Variants in RBFOX1 observed in about 807,000 individuals in gnomAD.
RBFOX1 encodes RNA binding fox-1 homolog 1.
A neutral mutation model predicts 57.7 loss-of-function variants in RBFOX1; 8 were observed. That is an observed-to-expected ratio of 0.14 (90% CI 0.08 to 0.25). RBFOX1 has a LOEUF of 0.25. Among genes scored for constraint, RBFOX1 ranks in the 10% least tolerant of loss-of-function variants. RBFOX1 has a pLI of 1.00. For missense variants in RBFOX1, 611 were observed against 548.5 expected, an observed-to-expected ratio of 1.11 and a Z score of -1.14; for synonymous variants, 326 against 222.4, an observed-to-expected ratio of 1.47 and a Z score of -4.15.
At chr16:7,669,837 A>G (rs1048693250) in intron 13 of RBFOX1, among the ~76,000 whole-genome samples, 14 of 152,174 alleles carry the variant, frequency 9.2e-5, no homozygotes, top group African/African-American at 3.4e-4. Flanking sequence ...TTTCAGTGTG[A>G]GGTGGCTGAG....
intron 2 of RBFOX1, among the ~76,000 whole-genome samples, chr16:5,520,010 A>G (rs1171145496): frequency 1.3e-5 from 2 of 152,268 alleles, no homozygotes; most frequent in African/African-American, 2.4e-5. Flanking sequence ...TGGATATTAA[A>G]GGAGTAAACT....
At chr16:6,120,755 C>G (rs2096543003) in intron 1 of RBFOX1, among the ~76,000 whole-genome samples, 1 of 152,114 alleles carries the variant, frequency 6.6e-6, no homozygotes, top group African/African-American at 2.4e-5. Context: ...CTTTTAGCAA[C>G]TCAGATCTGT....
intron 3 of RBFOX1, among the ~76,000 whole-genome samples, chr16:5,701,781 C>T (rs138051820): frequency 2.4e-4 from 36 of 152,248 alleles, no homozygotes; most frequent in African/African-American, 6.3e-4. Flanking sequence ...ATTTTTTGTC[C>T]GTGGCATCCT....
intron 3 of RBFOX1, among the ~76,000 whole-genome samples, chr16:6,950,113 ATTTTTTTTTTT>A (rs58222300): frequency 8.3e-6 from 1 of 120,936 alleles, no homozygotes; most frequent in Admixed American, 8.9e-5. Context: ...CGCAGAGGTA[ATTTTTTTTTTT>A]TTTTTTTTTT....
intron 4 of RBFOX1, among the ~76,000 whole-genome samples, chr16:7,496,718 A>G (rs1416043972): frequency 7.5e-6 from 1 of 132,972 alleles, no homozygotes; most frequent in Non-Finnish European, 1.6e-5. Context: ...TGACCACTGC[A>G]GTGTTCTCAT....
At chr16:5,956,160 C>A (rs775895320) in intron 4 of RBFOX1, among the ~76,000 whole-genome samples, 1 of 152,096 alleles carries the variant, frequency 6.6e-6, no homozygotes, top group East Asian at 1.9e-4. Context: ...CCTGTACCCT[C>A]AGCTGCTCCA....
intron 3 of RBFOX1, among the ~76,000 whole-genome samples, chr16:5,744,213 C>T (rs9928186): frequency 0.46 from 69,563 of 151,894 alleles, 16,235 homozygotes; most frequent in East Asian, 0.57. Flanking sequence ...CTGGCATGCT[C>T]CTGAAACCCC....
chr16:5,946,377 C>G lies in RBFOX1; in HGVS notation c.351+79042C>G, dbSNP rs1231976395. Reference sequence around the variant, plus strand: ...TCTCCATTCCTTTTCTTTTCGTTTGCTCATGGATGTTTATCAAACACCAAC... The same window carrying G: ...TCTCCATTCCTTTTCTTTTCGTTTGGTCATGGATGTTTATCAAACACCAAC... On this transcript the variant is annotated intron_variant, in intron 4 of 19. Coordinates refer to the RBFOX1 transcript ENST00000641259. This position sits in a 1 kb window ranked among gnomAD's most constrained non-coding sequence, Gnocchi z 4.6. Among the ~76,000 whole-genome samples, 2 of 152,126 alleles carry G rather than the reference C, an allele frequency of 1.3e-5. No individual in the cohort carries two copies.
At chr16:6,635,993 C>T (rs1349321309) in intron 2 of RBFOX1, among the ~76,000 whole-genome samples, 1 of 152,140 alleles carries the variant, frequency 6.6e-6, no homozygotes, top group Admixed American at 6.6e-5. Context: ...TTTATATGCA[C>T]ATCATACACA....
chr16:6,656,124 C>T (rs377764219), intron 3 of RBFOX1, among the ~76,000 whole-genome samples: 1 of 152,114 alleles, frequency 6.6e-6, no homozygotes, highest in African/African-American at 2.4e-5. Context: ...GTGAGTTGGA[C>T]AGATGGAATT....
chr16:5,826,833 G>A (rs9928213), intron 3 of RBFOX1, among the ~76,000 whole-genome samples: 33,314 of 151,986 alleles, frequency 0.22, 4,487 homozygotes, highest in African/African-American at 0.38. Context: ...GTGAGAAGTG[G>A]TAGATAGAGT....
intron 3 of RBFOX1, among the ~76,000 whole-genome samples, chr16:5,665,626 G>T (rs35124876): frequency 1.3e-5 from 2 of 152,126 alleles, no homozygotes; most frequent in African/African-American, 2.4e-5. Flanking sequence ...TTCAGTGTTT[G>T]GCAGATAGTT....
chr16:7,114,475 C>A (rs1567311695), intron 4 of RBFOX1, among the ~76,000 whole-genome samples: 1 of 152,118 alleles, frequency 6.6e-6, no homozygotes, highest in East Asian at 1.9e-4. Flanking sequence ...GAGTGCTATT[C>A]ATTTTAAGAA....
intron 3 of RBFOX1, among the ~76,000 whole-genome samples, chr16:6,773,627 C>A (rs1307674244): frequency 7.9e-4 from 80 of 100,638 alleles, no homozygotes; most frequent in Non-Finnish European, 1.4e-3. Flanking sequence ...GCATGGGGTG[C>A]ATTTGTGTGT....
chr16:6,023,854 A>C (rs953668091), intron 1 of RBFOX1, among the ~76,000 whole-genome samples: 3 of 152,144 alleles, frequency 2.0e-5, no homozygotes, highest in African/African-American at 7.2e-5. Context: ...CCCAATGTCT[A>C]CCTCCATTAT....
intron 3 of RBFOX1, among the ~76,000 whole-genome samples, chr16:6,884,448 G>A (rs1390302021): frequency 2.6e-5 from 4 of 152,098 alleles, no homozygotes; most frequent in Non-Finnish European, 2.9e-5. Context: ...TTCAAGGATC[G>A]TACTGTATTC....
chr16:6,284,079 A>G, intron 1 of RBFOX1, among the ~76,000 whole-genome samples: 1 of 152,202 alleles, frequency 6.6e-6, no homozygotes, highest in East Asian at 1.9e-4. Flanking sequence ...CATAAAGAGC[A>G]CTGACAATTA....
chr16:7,025,851 T>A (rs947657717), intron 3 of RBFOX1, among the ~76,000 whole-genome samples: 15 of 152,034 alleles, frequency 9.9e-5, no homozygotes, highest in South Asian at 2.1e-4. Flanking sequence ...GGTCAGGGAT[T>A]CAAAGCTCCA....
At chr16:5,970,451 A>T (rs998200508) in intron 4 of RBFOX1, among the ~76,000 whole-genome samples, 22 of 152,144 alleles carry the variant, frequency 1.4e-4, no homozygotes, top group African/African-American at 5.1e-4. Context: ...TCTCTTGACT[A>T]TGGTGGCATA....
Sources: gnomAD v4.1 joint callset for allele counts (sites outside exome capture counted in the v4.1 genomes callset) on GRCh38, gnomAD v4.1.1 for gene constraint, Gnocchi (gnomAD v3.1) non-coding constraint, MANE v1.5 for transcripts, NCBI Gene and HGNC (gene_info 2026-07-23, HGNC 2026-07-21) for gene names.